The following INPP4B variants were observed in gnomAD, a reference collection of about 807,000 sequenced individuals.
The protein encoded by INPP4B is inositol polyphosphate 4-phosphatase type II.
INPP4B carries 55 observed loss-of-function variants against 122.5 expected under a neutral mutation model. The observed-to-expected ratio is 0.45, with a 90% confidence interval of 0.36 to 0.56. The LOEUF (loss-of-function observed/expected upper bound fraction) is 0.56, where lower values mean the gene tolerates loss of function less well. Ranked by LOEUF, INPP4B falls within the 20% of genes least tolerant of loss-of-function variation. The pLI, the probability that INPP4B is intolerant of heterozygous loss-of-function variation, is 0.00. For synonymous variants in INPP4B, 403 were observed against 388.7 expected, an observed-to-expected ratio of 1.04 and a Z score of -0.43; for missense variants, 1,000 against 1,097.7, an observed-to-expected ratio of 0.91 and a Z score of 1.26.
intron 1 of INPP4B, among the ~76,000 whole-genome samples, chr4:142,823,346 A>C (rs1781028660): frequency 6.6e-6 from 1 of 152,180 alleles, no homozygotes; most frequent in Admixed American, 6.5e-5. Context: ...AGTTTCTTCT[A>C]ACATGAACAC....
intron 16 of INPP4B, among the ~76,000 whole-genome samples, chr4:142,162,754 G>T (rs560914234): frequency 1.3e-4 from 20 of 152,054 alleles, no homozygotes; most frequent in African/African-American, 4.3e-4. Context: ...AGGCAAGGGA[G>T]ATCATGCAGG....
intron 21 of INPP4B, among the ~76,000 whole-genome samples, chr4:142,120,422 G>T (rs1444619623): frequency 1.3e-5 from 2 of 152,064 alleles, no homozygotes; most frequent in Admixed American, 1.3e-4. Context: ...CAATTATGGA[G>T]AATTACTAAA....
At chr4:142,142,378 T>C (rs1386210581) in intron 18 of INPP4B, among the ~76,000 whole-genome samples, 4 of 152,100 alleles carry the variant, frequency 2.6e-5, no homozygotes, top group Non-Finnish European at 4.4e-5. Context: ...AGAAGGTTGC[T>C]TTTAGATCCT....
chr4:142,138,790 G>A (rs1481082762), intron 18 of INPP4B, among the ~76,000 whole-genome samples: 1 of 152,166 alleles, frequency 6.6e-6, no homozygotes, highest in African/African-American at 2.4e-5. Context: ...AAATGTGAGT[G>A]TACTAAGTGT....
At chr4:142,602,459 G>A (rs1284666413) in intron 2 of INPP4B, among the ~76,000 whole-genome samples, 6 of 151,950 alleles carry the variant, frequency 3.9e-5, no homozygotes, top group South Asian at 2.1e-4. Flanking sequence ...ACATTCTTCC[G>A]AGAATTAGAA....
At chr4:142,800,457 G>A (rs907061047) in intron 1 of INPP4B, among the ~76,000 whole-genome samples, 1 of 152,044 alleles carries the variant, frequency 6.6e-6, no homozygotes, top group African/African-American at 2.4e-5. Flanking sequence ...TTTTTGCATG[G>A]CATCAAGTTA....
At chr4:142,732,580 TAA>T (rs1290092501) in intron 1 of INPP4B, among the ~76,000 whole-genome samples, 1 of 151,990 alleles carries the variant, frequency 6.6e-6, no homozygotes, top group Non-Finnish European at 1.5e-5. Context: ...TTATAACATT[TAA>T]AAGAGAATTA....
At chr4:142,715,562 A>AT (rs200763923) in intron 2 of INPP4B, among the ~76,000 whole-genome samples, 2,362 of 152,242 alleles carry the variant, frequency 0.016, 50 homozygotes, top group African/African-American at 0.052. Flanking sequence ...TGAATACAAA[A>AT]TGTCTATAAC....
chr4:142,321,141 A>G (rs961291744), intron 7 of INPP4B, among the ~76,000 whole-genome samples: 1 of 151,912 alleles, frequency 6.6e-6, no homozygotes, highest in Admixed American at 6.6e-5. Context: ...TATTTTTTTG[A>G]TTTTTTAATT....
At chr4:142,328,794 T>C (rs1773381061) in intron 7 of INPP4B, among the ~76,000 whole-genome samples, 1 of 152,206 alleles carries the variant, frequency 6.6e-6, no homozygotes, top group African/African-American at 2.4e-5. Flanking sequence ...TGTATAAACA[T>C]ATGCTCTTTG....
chr4:142,155,011 G>GATAT (rs563685658), intron 17 of INPP4B, among the ~76,000 whole-genome samples: 8 of 150,010 alleles, frequency 5.3e-5, no homozygotes, highest in Non-Finnish European at 1.2e-4. Flanking sequence ...TTTGAAGTTG[G>GATAT]ATATATATAT....
At chr4:142,553,212 C>T (rs1435532801) in intron 2 of INPP4B, among the ~76,000 whole-genome samples, 1 of 152,088 alleles carries the variant, frequency 6.6e-6, no homozygotes, top group Admixed American at 6.5e-5. Flanking sequence ...GTTTCCTCAC[C>T]CTGTAGTTTC....
Position 142,375,240 on chromosome 4 carries a change from A to G in INPP4B, c.372+27698T>C, listed in dbSNP as rs549082946. 2.0e-5 allele frequency among the ~76,000 whole-genome samples: 3 copies of G among 151,480 alleles called. No individual in the cohort carries two copies. In the East Asian group the frequency reaches 5.8e-4, roughly 29 times the overall value. On this transcript the variant is annotated intron_variant, in intron 7 of 25. Coordinates refer to ENST00000262992, the MANE Select transcript of INPP4B (RefSeq NM_001101669.3). The stretch of plus-strand genomic sequence containing the variant: ...CCTCTTTGTCTTAAAATTCTTCCAT[A>G]ATTTGTTTTTCAGGACACTGCACTA...
intron 2 of INPP4B, among the ~76,000 whole-genome samples, chr4:142,655,168 T>C (rs372888535): frequency 2.6e-5 from 4 of 152,198 alleles, no homozygotes; most frequent in Admixed American, 2.6e-4. Flanking sequence ...AAAACCTTCC[T>C]AGATATTGTT....
At chr4:142,306,298 C>A (rs1170873360) in intron 8 of INPP4B, among the ~76,000 whole-genome samples, 2 of 146,328 alleles carry the variant, frequency 1.4e-5, no homozygotes, top group Non-Finnish European at 3.0e-5. Flanking sequence ...CTGGCTACTT[C>A]TGACTTAAAA....
chr4:142,802,394 G>A (rs1778113905), intron 1 of INPP4B, among the ~76,000 whole-genome samples: 1 of 152,106 alleles, frequency 6.6e-6, no homozygotes, highest in South Asian at 2.1e-4. Flanking sequence ...GAACTAATGA[G>A]AAGCCATGTT....
At chr4:142,637,266 G>A (rs1749364211) in intron 2 of INPP4B, among the ~76,000 whole-genome samples, 1 of 152,064 alleles carries the variant, frequency 6.6e-6, no homozygotes, top group Non-Finnish European at 1.5e-5. Flanking sequence ...TTTGACATAT[G>A]TATAATGAGG....
At chr4:142,131,093 T>C (rs1801022601) in intron 18 of INPP4B, among the ~76,000 whole-genome samples, 2 of 152,214 alleles carry the variant, frequency 1.3e-5, no homozygotes, top group Non-Finnish European at 2.9e-5. Context: ...ATGTGTTGAC[T>C]GGAGGAGTCA....
chr4:142,740,251 A>C (rs1286167449), intron 1 of INPP4B, among the ~76,000 whole-genome samples: 1 of 152,012 alleles, frequency 6.6e-6, no homozygotes, highest in Non-Finnish European at 1.5e-5. Flanking sequence ...AATCTAAGCA[A>C]ATGGAATTAT....
Sources: allele counts gnomAD v4.1 joint callset (sites outside exome capture counted in the v4.1 genomes callset), GRCh38; gene constraint gnomAD v4.1.1; transcripts MANE v1.5; gene names NCBI Gene and HGNC (gene_info 2026-07-23, HGNC 2026-07-21).